The following UST variants were observed in gnomAD, a reference collection of about 807,000 sequenced individuals.
UST encodes chondroitin sulfate 2-O-sulfotransferase.
UST carries 21 observed loss-of-function variants against 45.6 expected under a neutral mutation model. That is an observed-to-expected ratio of 0.46 (90% CI 0.33 to 0.66). UST has a LOEUF of 0.66. UST is among the 30% of genes least tolerant of loss of function. The pLI, the probability that UST is intolerant of heterozygous loss-of-function variation, is 0.02. For missense variants in UST, 463 were observed against 512.4 expected, an observed-to-expected ratio of 0.90 and a Z score of 0.93; for synonymous variants, 215 against 200.6, an observed-to-expected ratio of 1.07 and a Z score of -0.61.
chr6:148,908,455 G>C (rs931091230), intron 2 of UST, among the ~76,000 whole-genome samples: 5 of 152,106 alleles, frequency 3.3e-5, no homozygotes, highest in Non-Finnish European at 7.4e-5. Flanking sequence ...TCAAAATCTT[G>C]GGCGTTTGGT....
At chr6:148,782,282 G>C (rs1776657547) in intron 1 of UST, among the ~76,000 whole-genome samples, 1 of 152,148 alleles carries the variant, frequency 6.6e-6, no homozygotes, top group South Asian at 2.1e-4. Flanking sequence ...GTATTCACAG[G>C]AGTTTGGAAG....
intron 1 of UST, among the ~76,000 whole-genome samples, chr6:148,861,386 C>T (rs1322845759): frequency 1.3e-5 from 2 of 152,084 alleles, no homozygotes; most frequent in African/African-American, 2.4e-5. Context: ...ATTCTTCTCT[C>T]TTTTCTTCTT....
At chr6:148,766,382 T>TCACCCACG (rs2114666227) in intron 1 of UST, among the ~76,000 whole-genome samples, 1 of 152,244 alleles carries the variant, frequency 6.6e-6, no homozygotes, top group South Asian at 2.1e-4. Context: ...CCACTTGCTC[T>TCACCCACG]CACCCACGCA....
chr6:148,889,847 A>G (rs978053085), intron 2 of UST, among the ~76,000 whole-genome samples: 5 of 151,624 alleles, frequency 3.3e-5, no homozygotes, highest in African/African-American at 4.8e-5. Flanking sequence ...CCCTTCTCCC[A>G]TAGGGTCTTC....
At chr6:148,978,608 T>G (rs1781069013) in intron 5 of UST, among the ~76,000 whole-genome samples, 1 of 149,950 alleles carries the variant, frequency 6.7e-6, no homozygotes, top group South Asian at 2.1e-4. Flanking sequence ...CACTCATAAG[T>G]GGGAGTTGAA....
chr6:149,036,799 T>C (rs772880682), intron 7 of UST, among the ~76,000 whole-genome samples: 4 of 152,220 alleles, frequency 2.6e-5, no homozygotes, highest in Non-Finnish European at 5.9e-5. Context: ...TAATCCCTTT[T>C]GGGTTTTTAC....
chr6:148,878,125 GGGGGATCATGTAAGAGTGC>G, intron 1 of UST, among the ~76,000 whole-genome samples: 1 of 118,826 alleles, frequency 8.4e-6, no homozygotes, highest in African/African-American at 3.3e-5. Context: ...GTACGAGTGT[GGGGGATCATGTAAGAGTGC>G]GGGGGTCGTG....
At chr6:149,062,015 T>G (rs933723126) in intron 7 of UST, among the ~76,000 whole-genome samples, 2 of 152,254 alleles carry the variant, frequency 1.3e-5, no homozygotes, top group African/African-American at 4.8e-5. Flanking sequence ...TGTTTGAATC[T>G]TCAGTTAATG....
At chr6:148,897,497 AT>A (rs35976780) in intron 2 of UST, among the ~76,000 whole-genome samples, 145,713 of 149,260 alleles carry the variant, frequency 0.98, 71,142 homozygotes, top group East Asian at 1. Flanking sequence ...TTTATTTTTA[AT>A]TTTTTTTTTT....
intron 7 of UST, among the ~76,000 whole-genome samples, chr6:149,041,552 G>A (rs1437109329): frequency 6.6e-6 from 1 of 152,210 alleles, no homozygotes; most frequent in Non-Finnish European, 1.5e-5. Flanking sequence ...CTGCACACCA[G>A]GCCTTCAGTT....
intron 1 of UST, among the ~76,000 whole-genome samples, chr6:148,828,989 G>A (rs1777628076): frequency 6.6e-6 from 1 of 152,178 alleles, no homozygotes; most frequent in South Asian, 2.1e-4. Flanking sequence ...GAGGGAACAA[G>A]CAGGAATTGC....
chr6:148,958,153 C>T (rs986964761), intron 4 of UST, among the ~76,000 whole-genome samples: 3 of 152,268 alleles, frequency 2.0e-5, no homozygotes, highest in Admixed American at 2.0e-4. Flanking sequence ...ATCCCGTGAG[C>T]ACTTGGTGTT....
intron 1 of UST, among the ~76,000 whole-genome samples, chr6:148,758,843 A>G (rs183370425): frequency 4.1e-4 from 62 of 152,300 alleles, no homozygotes; most frequent in Admixed American, 1.4e-3. Flanking sequence ...TATTTCGTAG[A>G]AAGTTGTATT....
At chr6:149,042,064 G>A (rs965702362) in intron 7 of UST, among the ~76,000 whole-genome samples, 12 of 152,204 alleles carry the variant, frequency 7.9e-5, no homozygotes, top group Admixed American at 3.3e-4. Flanking sequence ...CTGAATGCAT[G>A]TACTGTGATA....
At chr6:149,004,355 G>T (rs1210148940) in intron 5 of UST, among the ~76,000 whole-genome samples, 4 of 152,202 alleles carry the variant, frequency 2.6e-5, no homozygotes, top group South Asian at 2.1e-4. Context: ...CAGCAGTCAT[G>T]ACCCAGTTAT....
chr6:149,046,245 A>G (rs116112138), intron 7 of UST, among the ~76,000 whole-genome samples: 1,557 of 152,334 alleles, frequency 0.01, 13 homozygotes, highest in Middle Eastern at 0.034. Flanking sequence ...GCAAGCTCAG[A>G]GGCTTCTTTC....
intron 2 of UST, among the ~76,000 whole-genome samples, chr6:148,927,127 C>G (rs1176605817): frequency 6.7e-6 from 1 of 149,706 alleles, no homozygotes; most frequent in Non-Finnish European, 1.5e-5. Context: ...ATGTATTGAG[C>G]TAAGTACAGT....
intron 1 of UST, among the ~76,000 whole-genome samples, chr6:148,775,531 T>C (rs961685345): frequency 2.6e-5 from 4 of 152,212 alleles, no homozygotes; most frequent in African/African-American, 9.7e-5. Flanking sequence ...ACTACCTCTG[T>C]GTATGTGTAT....
chr6:148,898,397 A>G (rs565461724), intron 2 of UST, among the ~76,000 whole-genome samples: 2 of 152,354 alleles, frequency 1.3e-5, no homozygotes, highest in East Asian at 3.9e-4. Flanking sequence ...AGGAAAACAA[A>G]TCAACCTTAC....
Sources: allele counts gnomAD v4.1 joint callset (sites outside exome capture counted in the v4.1 genomes callset), GRCh38; gene constraint gnomAD v4.1.1; transcripts MANE v1.5; gene names NCBI Gene and HGNC (gene_info 2026-07-23, HGNC 2026-07-21).